Variants in FGF12 observed in about 807,000 individuals in gnomAD.
The protein encoded by FGF12 is fibroblast growth factor 12.
FGF12 carries 14 observed loss-of-function variants against 23.6 expected under a neutral mutation model. That is an observed-to-expected ratio of 0.59 (90% CI 0.39 to 0.93). The LOEUF is 0.93. FGF12 is among the 40% of genes least tolerant of loss of function. The pLI is 0.00. For missense variants in FGF12, 175 were observed against 217.8 expected, an observed-to-expected ratio of 0.80 and a Z score of 1.24; for synonymous variants, 62 against 77.3, an observed-to-expected ratio of 0.80 and a Z score of 1.04.
chr3:192,539,059 C>T (rs1279482612), intron 2 of FGF12, among the ~76,000 whole-genome samples: 1 of 151,990 alleles, frequency 6.6e-6, no homozygotes, highest in Non-Finnish European at 1.5e-5. Context: ...TAGGTTTTTC[C>T]AAATAACAAA....
intron 4 of FGF12, among the ~76,000 whole-genome samples, chr3:192,333,872 C>A (rs777320314): frequency 2.0e-5 from 3 of 151,996 alleles, no homozygotes; most frequent in Admixed American, 6.6e-5. Context: ...TGGTTATATA[C>A]CCTTCTTTTT....
chr3:192,681,680 A>C (rs1577118287), intron 2 of FGF12, among the ~76,000 whole-genome samples: 2 of 152,360 alleles, frequency 1.3e-5, no homozygotes, highest in African/African-American at 4.8e-5. Flanking sequence ...TTCCTTTCCC[A>C]AATATCACCC....
chr3:192,472,267 C>T (rs912624217), intron 2 of FGF12, among the ~76,000 whole-genome samples: 10 of 152,090 alleles, frequency 6.6e-5, no homozygotes, highest in African/African-American at 1.7e-4. Context: ...CTGCCCGCCG[C>T]GGCCTCCCAA....
At chr3:192,616,592 T>C (rs1272303813) in intron 2 of FGF12, among the ~76,000 whole-genome samples, 2 of 151,870 alleles carry the variant, frequency 1.3e-5, no homozygotes, top group Admixed American at 1.3e-4. Context: ...AGAATATAAA[T>C]AAACTGGTGA....
intron 4 of FGF12, among the ~76,000 whole-genome samples, chr3:192,331,718 C>T (rs80334043): frequency 0.021 from 3,175 of 152,030 alleles, 122 homozygotes; most frequent in African/African-American, 0.074. Context: ...AGCTATTGTT[C>T]AATGGGTATA....
intron 4 of FGF12, among the ~76,000 whole-genome samples, chr3:192,323,692 G>T (rs1716664988): frequency 6.6e-6 from 1 of 152,172 alleles, no homozygotes; most frequent in Non-Finnish European, 1.5e-5. Flanking sequence ...TTACCTAAAA[G>T]AGTATAATTG....
At position 192,449,258 on chromosome 3, in the gene FGF12, C is replaced by T. The variant is rs192686344; in HGVS notation, c.14-88720G>A. 1.6e-3 allele frequency among the ~76,000 whole-genome samples: 246 copies of T among 152,260 alleles called. 1 individual carries two copies. The highest frequency in any genetic ancestry group is 5.5e-3 in the African/African-American group (227 of 41,556). On this transcript the variant is annotated intron_variant, in intron 2 of 5. Transcript: ENST00000445105. ...GGGTGCTGGAGGAAGTGGTTTCTCT[C>T]CCTGCTTCCAGTTTACTTCTATATT...
chr3:192,497,214 C>G (rs1389817618), intron 2 of FGF12, among the ~76,000 whole-genome samples: 1 of 152,216 alleles, frequency 6.6e-6, no homozygotes, highest in African/African-American at 2.4e-5. Context: ...TCACTCTTCA[C>G]CTCGTTGCTC....
At chr3:192,282,360 T>C (rs951846478) in intron 4 of FGF12, among the ~76,000 whole-genome samples, 2 of 152,138 alleles carry the variant, frequency 1.3e-5, no homozygotes, top group South Asian at 2.1e-4. Context: ...TACTAGATTC[T>C]TAAATACACA....
At chr3:192,566,033 C>G (rs1336176329) in intron 2 of FGF12, among the ~76,000 whole-genome samples, 1 of 152,210 alleles carries the variant, frequency 6.6e-6, no homozygotes, top group Non-Finnish European at 1.5e-5. Context: ...TTGCGGTGAG[C>G]CGAGATTGCG....
intron 4 of FGF12, among the ~76,000 whole-genome samples, chr3:192,269,601 G>T (rs1420495951): frequency 2.0e-5 from 3 of 152,076 alleles, no homozygotes; most frequent in African/African-American, 7.2e-5. Context: ...ACATTAAAAG[G>T]ACCTAATAAA....
intron 4 of FGF12, among the ~76,000 whole-genome samples, chr3:192,277,690 G>A (rs559671230): frequency 6.6e-6 from 1 of 152,316 alleles, no homozygotes; most frequent in African/African-American, 2.4e-5. Context: ...GAGCACGGAA[G>A]TCCACCGCCC....
intron 2 of FGF12, among the ~76,000 whole-genome samples, chr3:192,507,133 C>G (rs1395251099): frequency 6.6e-6 from 1 of 152,060 alleles, no homozygotes; most frequent in African/African-American, 2.4e-5. Flanking sequence ...ACCTCGTGAT[C>G]TGCCCGCCTC....
intron 4 of FGF12, among the ~76,000 whole-genome samples, chr3:192,279,886 G>C (rs1230490815): frequency 6.6e-6 from 1 of 152,142 alleles, no homozygotes; most frequent in Non-Finnish European, 1.5e-5. Context: ...AGCTCTAAAA[G>C]AATATGTGTG....
intron 2 of FGF12, among the ~76,000 whole-genome samples, chr3:192,597,403 A>G (rs1411780965): frequency 2.0e-5 from 3 of 152,234 alleles, no homozygotes; most frequent in African/African-American, 7.2e-5. Context: ...ATGTATTACC[A>G]TCATGGCAGG....
At chr3:192,213,719 G>A (rs1480643476) in intron 4 of FGF12, among the ~76,000 whole-genome samples, 3 of 152,164 alleles carry the variant, frequency 2.0e-5, no homozygotes, top group Non-Finnish European at 4.4e-5. Context: ...CATAAGAACT[G>A]TCTCTCTCCG....
At chr3:192,644,385 C>T (rs904425918) in intron 2 of FGF12, among the ~76,000 whole-genome samples, 3 of 152,024 alleles carry the variant, frequency 2.0e-5, no homozygotes, top group Non-Finnish European at 4.4e-5. Flanking sequence ...TAGGCTAAAA[C>T]CCCTGTTGTC....
chr3:192,434,397 T>C (rs1721953936), intron 2 of FGF12, among the ~76,000 whole-genome samples: 1 of 152,170 alleles, frequency 6.6e-6, no homozygotes, highest in East Asian at 1.9e-4. Context: ...TCATAGCCAG[T>C]AAAGTGTACA....
rs183627943 is a variant in FGF12, at chr3:192,676,833, G to A, written c.13+50348C>T. ...TGAAGCTAAGGAAGAGGCATGGAAT[G>A]GAACAGACTATCCCTAATATTTCTA... On this transcript the variant is annotated intron_variant, in intron 2 of 5. Transcript: ENST00000445105. Among the ~76,000 whole-genome samples, 455 of 152,326 alleles carry A rather than the reference G, an allele frequency of 3.0e-3. 5 individuals carry two copies. The highest frequency in any genetic ancestry group is 2.5e-3 in the Non-Finnish European group (171 of 68,034).
Sources: gnomAD v4.1 joint callset for allele counts (sites outside exome capture counted in the v4.1 genomes callset) on GRCh38, gnomAD v4.1.1 for gene constraint, MANE v1.5 for transcripts, NCBI Gene and HGNC (gene_info 2026-07-23, HGNC 2026-07-21) for gene names.